The following UBE2E3 variants were observed in gnomAD, a reference collection of about 807,000 sequenced individuals.
UBE2E3 encodes the protein ubiquitin-conjugating enzyme E2 E3.
Under a neutral mutation model 23.6 loss-of-function variants are expected in UBE2E3, and 5 were observed. The observed-to-expected ratio is 0.21, with a 90% CI of 0.11 to 0.44. The LOEUF is 0.44. UBE2E3 is among the 20% of genes least tolerant of loss of function. The pLI, the probability that UBE2E3 is intolerant of heterozygous loss-of-function variation, is 0.99. For synonymous variants in UBE2E3, 78 were observed against 87.5 expected (o/e 0.89, Z 0.60); for missense variants, 81 against 249.8 (o/e 0.32, Z 4.55).
At chr2:181,041,409 A>G (rs533703114) in intron 3 of UBE2E3, among the ~76,000 whole-genome samples, 1 of 151,702 alleles carries the variant, frequency 6.6e-6, no homozygotes, top group East Asian at 1.9e-4. Flanking sequence ...GTTAAAATGG[A>G]TGTCAGGGTT....
At chr2:181,009,438 A>G (rs1029796943) in intron 3 of UBE2E3, among the ~76,000 whole-genome samples, 23 of 152,108 alleles carry the variant, frequency 1.5e-4, no homozygotes, top group African/African-American at 5.6e-4. Context: ...TGTTTTACTA[A>G]CCAGAAACAA....
chr2:181,054,309 T>C (rs891346045), intron 3 of UBE2E3, among the ~76,000 whole-genome samples: 1 of 151,846 alleles, frequency 6.6e-6, no homozygotes, highest in Non-Finnish European at 1.5e-5. Flanking sequence ...TGCATAAAAA[T>C]GAATCTAGAT....
chr2:180,996,076 A>G (rs370795153), intron 3 of UBE2E3, among the ~76,000 whole-genome samples: 7 of 152,106 alleles, frequency 4.6e-5, no homozygotes, highest in African/African-American at 1.4e-4. Context: ...ACTTCAGTAT[A>G]TTGCTGTTAT....
At chr2:181,041,118 C>T (rs1037231866) in intron 3 of UBE2E3, among the ~76,000 whole-genome samples, 3 of 150,574 alleles carry the variant, frequency 2.0e-5, no homozygotes, top group Non-Finnish European at 4.4e-5. Flanking sequence ...TGTGGCAGCA[C>T]GTGCCTGTAG....
intron 2 of UBE2E3, among the ~76,000 whole-genome samples, chr2:180,983,673 A>G (rs1684370302): frequency 6.6e-6 from 1 of 152,212 alleles, no homozygotes; most frequent in South Asian, 2.1e-4. Context: ...GTCCTTGTCA[A>G]ATATTCCAGT....
At chr2:181,016,011 G>A (rs1685476741) in intron 3 of UBE2E3, among the ~76,000 whole-genome samples, 1 of 151,480 alleles carries the variant, frequency 6.6e-6, no homozygotes, top group Non-Finnish European at 1.5e-5. Flanking sequence ...ATTAAAATTT[G>A]TTCAATTCAA....
intron 3 of UBE2E3, among the ~76,000 whole-genome samples, chr2:180,989,386 T>C (rs1684584564): frequency 6.6e-6 from 1 of 152,188 alleles, no homozygotes; most frequent in Admixed American, 6.5e-5. Context: ...GTCTCTCAAA[T>C]TGACATAGAA....
chr2:181,062,771 T>C lies in UBE2E3; in HGVS notation c.527-20T>C, dbSNP rs1369595583. The C allele has an allele frequency of 2.0e-6, 3 of 1,517,256 alleles. No individual in the cohort carries two copies. The highest frequency in any genetic ancestry group is 1.8e-6 in the Non-Finnish European group (2 of 1,098,862). The allele number at this position is 1,517,256 out of a possible 1,614,324, so 94.0% of individuals were successfully genotyped here. A position where few individuals can be genotyped will look rare whatever the true frequency, so the allele number is the denominator to read the frequency against. The stretch of plus-strand genomic sequence containing the variant: ...GAAGATACCACAAAATAGCTTTTAA[T>C]GTTCTTTCTGCTTTTCCAGCGGATC... On this transcript the variant is annotated intron_variant, in intron 5 of 5. Transcript: ENST00000410062.
intron 3 of UBE2E3, among the ~76,000 whole-genome samples, chr2:181,045,742 C>G (rs1174063578): frequency 6.6e-6 from 1 of 152,122 alleles, no homozygotes; most frequent in Non-Finnish European, 1.5e-5. Context: ...AACTTAGTAC[C>G]TCTTAAGAAG....
intron 3 of UBE2E3, among the ~76,000 whole-genome samples, chr2:181,043,100 A>T (rs950521081): frequency 9.8e-5 from 15 of 152,354 alleles, no homozygotes; most frequent in African/African-American, 3.6e-4. Flanking sequence ...TGTTTTAAAT[A>T]AAAGTATATA....
intron 3 of UBE2E3, among the ~76,000 whole-genome samples, chr2:180,984,976 A>T: frequency 6.6e-6 from 1 of 152,140 alleles, no homozygotes; most frequent in Non-Finnish European, 1.5e-5. Context: ...AGGCAGTTTT[A>T]TGGTTTGATA....
At chr2:181,005,532 G>T (rs745978512) in intron 3 of UBE2E3, among the ~76,000 whole-genome samples, 5 of 151,656 alleles carry the variant, frequency 3.3e-5, no homozygotes, top group Non-Finnish European at 7.3e-5. Context: ...AGCAAAATTA[G>T]TATGTATCTT....
Position 180,982,250 on chromosome 2 carries a change from G to A in UBE2E3, c.194+14G>A. The A allele has an allele frequency of 6.2e-7, 1 of 1,609,192 alleles. No individual in the cohort carries two copies. On this transcript the variant is annotated intron_variant, in intron 2 of 5. Transcript: ENST00000410062. The stretch of plus-strand genomic sequence containing the variant: ...TAGTGCTAAAAGGTAATGTGTAAAA[G>A]AAGGATCCAGCACACTTTGTCAGGT...
rs753013480 is a variant in UBE2E3, at chr2:181,060,818, C to G, written c.526+6C>G. 6.7e-7 allele frequency: 1 copy of G among 1,485,522 alleles called. No individual in the cohort carries two copies. Among genetic ancestry groups the G allele is most frequent in the East Asian group, 2.9e-5 (1 of 34,842 alleles). 92.0% of individuals were successfully genotyped at this position (1,485,522 alleles called of 1,614,324 possible). Reference sequence around the variant, plus strand: ...TTTGACAGACTGCAACCCTGGTAAGCAAATCTTTATTAACATGTACAATAA... The same window carrying G: ...TTTGACAGACTGCAACCCTGGTAAGGAAATCTTTATTAACATGTACAATAA... On this transcript the variant is annotated splice_donor_region_variant and intron_variant, in intron 5 of 5. Coordinates refer to ENST00000410062, the MANE Select transcript of UBE2E3 (RefSeq NM_006357.4).
intron 3 of UBE2E3, among the ~76,000 whole-genome samples, chr2:180,996,198 G>A (rs985203690): frequency 2.0e-5 from 3 of 152,186 alleles, no homozygotes; most frequent in African/African-American, 7.2e-5. Flanking sequence ...AACAATGCGA[G>A]TACATACATT....
chr2:181,053,874 T>A (rs1207695302), intron 3 of UBE2E3, among the ~76,000 whole-genome samples: 3 of 151,812 alleles, frequency 2.0e-5, no homozygotes, highest in Non-Finnish European at 2.9e-5. Context: ...CACTAACCCC[T>A]GGCAACCACT....
intron 3 of UBE2E3, among the ~76,000 whole-genome samples, chr2:180,999,247 G>A (rs1026557527): frequency 2.6e-5 from 4 of 152,126 alleles, no homozygotes; most frequent in Admixed American, 1.3e-4. Context: ...GTACTCTGAC[G>A]TTCCACAGTA....
rs1490863533 is a variant in UBE2E3, at chr2:181,055,063, T to C, written c.246-2630T>C. The stretch of plus-strand genomic sequence containing the variant: ...ATCATTGGGTGTAGTGATGAGGTCA[T>C]TGGTGACTTTGGATAAGAGCTGTTT... On this transcript the variant is annotated intron_variant, in intron 3 of 5. Coordinates refer to ENST00000410062, the MANE Select transcript of UBE2E3 (RefSeq NM_006357.4). 2.0e-5 allele frequency among the ~76,000 whole-genome samples: 3 copies of C among 151,642 alleles called. No individual in the cohort carries two copies. The East Asian group carries it at 5.8e-4, about 30-fold the overall frequency.
intron 3 of UBE2E3, among the ~76,000 whole-genome samples, chr2:181,047,801 C>T (rs752339014): frequency 3.0e-4 from 45 of 151,118 alleles, no homozygotes; most frequent in Non-Finnish European, 6.3e-4. Flanking sequence ...CTGAGGAGGC[C>T]TTGCAAAATG....
Sources: allele counts gnomAD v4.1 joint callset (sites outside exome capture counted in the v4.1 genomes callset), GRCh38; gene constraint gnomAD v4.1.1; transcripts MANE v1.5; gene names NCBI Gene and HGNC (gene_info 2026-07-23, HGNC 2026-07-21).